FAM171A1: variants seen among roughly 807,000 people sequenced by gnomAD.
The protein encoded by FAM171A1 is protein FAM171A1.
Under a neutral mutation model 74.9 loss-of-function variants are expected in FAM171A1, and 23 were observed. The ratio of observed to expected loss-of-function variants is 0.31; its 90% CI spans 0.22 to 0.44. FAM171A1 has a LOEUF of 0.44. Ranked by LOEUF, FAM171A1 falls within the 20% of genes least tolerant of loss-of-function variation. The pLI is 1.00. For synonymous variants in FAM171A1, 527 were observed against 505.7 expected, an observed-to-expected ratio of 1.04 and a Z score of -0.57; for missense variants, 1,162 against 1,159.2, an observed-to-expected ratio of 1.00 and a Z score of -0.03.
chr10:15,358,416 C>T (rs554668201), intron 1 of FAM171A1, among the ~76,000 whole-genome samples: 3 of 152,338 alleles, frequency 2.0e-5, no homozygotes, highest in Non-Finnish European at 4.4e-5. Flanking sequence ...TCTCATTATG[C>T]TATATGAATC....
At chr10:15,362,080 T>C (rs1157972660) in intron 1 of FAM171A1, among the ~76,000 whole-genome samples, 1 of 152,252 alleles carries the variant, frequency 6.6e-6, no homozygotes, top group African/African-American at 2.4e-5. Flanking sequence ...AGTGTCCTTA[T>C]ATATTTCATA....
chr10:15,218,999 C>T (rs1834001872), intron 6 of FAM171A1, among the ~76,000 whole-genome samples: 1 of 152,068 alleles, frequency 6.6e-6, no homozygotes, highest in Admixed American at 6.6e-5. Flanking sequence ...AAAGCATATA[C>T]TGGACAGGCG....
At chr10:15,305,885 G>A (rs533606477) in intron 1 of FAM171A1, among the ~76,000 whole-genome samples, 29 of 152,234 alleles carry the variant, frequency 1.9e-4, no homozygotes, top group African/African-American at 5.1e-4. Flanking sequence ...GCCTGTGCAC[G>A]AACACGGGGA....
chr10:15,337,585 T>C (rs1337716970), intron 1 of FAM171A1, among the ~76,000 whole-genome samples: 1 of 151,752 alleles, frequency 6.6e-6, no homozygotes, highest in Non-Finnish European at 1.5e-5. Context: ...GGCTCACACG[T>C]GTAATCCCAG....
intron 1 of FAM171A1, among the ~76,000 whole-genome samples, chr10:15,335,530 AAAC>A (rs2131864325): frequency 6.6e-6 from 1 of 152,370 alleles, no homozygotes; most frequent in East Asian, 1.9e-4. Context: ...AAGAAAAACA[AAAC>A]ATGGGCCAAG....
intron 1 of FAM171A1, among the ~76,000 whole-genome samples, chr10:15,348,677 G>A (rs1835844589): frequency 6.6e-6 from 1 of 152,144 alleles, no homozygotes; most frequent in African/African-American, 2.4e-5. Context: ...CTTGTTAACA[G>A]TACAGCCTCT....
At chr10:15,321,470 A>C (rs1163136116) in intron 1 of FAM171A1, among the ~76,000 whole-genome samples, 1 of 152,240 alleles carries the variant, frequency 6.6e-6, no homozygotes, top group African/African-American at 2.4e-5. Flanking sequence ...GCCACAAAAC[A>C]GATTTTTTAA....
Position 15,213,599 on chromosome 10 carries a change from C to T in FAM171A1, c.1989G>A (p.Met663Ile). Reference sequence around the variant, plus strand: ...AAGCTGGGATGGAGAGAGACTCCGACATGGATGCGTTCTGAGGGCTCCACT... The same window carrying T: ...AAGCTGGGATGGAGAGAGACTCCGATATGGATGCGTTCTGAGGGCTCCACT... Reference protein sequence around the residue: ...TREWSPQNASMSESLSIPASL... With the variant: ...TREWSPQNASISESLSIPASL... The change falls in exon 8 of 8, where the codon ATG becomes ATA. Residue 663 changes from methionine (M) to isoleucine (I), a missense_variant. Coordinates refer to ENST00000378116, the MANE Select transcript of FAM171A1 (RefSeq NM_001010924.2). This position sits in a 1 kb window ranked among gnomAD's most constrained non-coding sequence, Gnocchi z 6.8. 1 of 1,614,164 alleles carries T rather than the reference C, an allele frequency of 6.2e-7. No individual in the cohort carries two copies. The highest frequency in any genetic ancestry group is 8.5e-7 in the Non-Finnish European group (1 of 1,180,042).
chr10:15,333,845 A>G (rs1321941116), intron 1 of FAM171A1, among the ~76,000 whole-genome samples: 1 of 137,672 alleles, frequency 7.3e-6, no homozygotes, highest in African/African-American at 2.6e-5. Context: ...AAGAGAAAAA[A>G]AGAAAAGAAT....
At chr10:15,354,801 C>T (rs1158923349) in intron 1 of FAM171A1, among the ~76,000 whole-genome samples, 1 of 152,146 alleles carries the variant, frequency 6.6e-6, no homozygotes, top group Non-Finnish European at 1.5e-5. Context: ...ATGGTACAAG[C>T]AGAGGAAATA....
At chr10:15,270,249 G>A (rs1246850708) in intron 3 of FAM171A1, among the ~76,000 whole-genome samples, 1 of 152,186 alleles carries the variant, frequency 6.6e-6, no homozygotes, top group Admixed American at 6.5e-5. Context: ...CTGGCTCAGA[G>A]GGTCCCACGC....
At chr10:15,295,303 C>T (rs541668510) in intron 1 of FAM171A1, among the ~76,000 whole-genome samples, 6 of 152,086 alleles carry the variant, frequency 3.9e-5, no homozygotes, top group African/African-American at 7.2e-5. Context: ...TTTCTATAAA[C>T]GATAGGATGC....
chr10:15,224,345 G>T (rs771344091), intron 5 of FAM171A1, among the ~76,000 whole-genome samples: 1 of 152,266 alleles, frequency 6.6e-6, no homozygotes. Flanking sequence ...GAGCAGCTGT[G>T]CCCGGGCTGG....
chr10:15,244,736 G>C (rs143691143), intron 5 of FAM171A1, among the ~76,000 whole-genome samples: 1 of 152,000 alleles, frequency 6.6e-6, no homozygotes, highest in African/African-American at 2.4e-5. Context: ...GACTCGGTGA[G>C]GGTGCAGGGA....
At chr10:15,229,900 TCACCATCACCACCATCACCAA>T (rs1322184979) in intron 5 of FAM171A1, among the ~76,000 whole-genome samples, 4 of 54,118 alleles carry the variant, frequency 7.4e-5, no homozygotes, top group African/African-American at 1.4e-4. Flanking sequence ...ATCACCATCA[TCACCATCACCACCATCACCAA>T]CATCATCATC....
chr10:15,240,396 C>T (rs1031465433), intron 5 of FAM171A1, among the ~76,000 whole-genome samples: 3 of 152,024 alleles, frequency 2.0e-5, no homozygotes, highest in African/African-American at 7.2e-5. Context: ...TATTGAGGGT[C>T]CATATAGCAA....
At chr10:15,270,617 G>C (rs146547144) in intron 3 of FAM171A1, among the ~76,000 whole-genome samples, 1,717 of 152,322 alleles carry the variant, frequency 0.011, 32 homozygotes, top group African/African-American at 0.038. Flanking sequence ...CTAACTGGGA[G>C]ACACCTCCCA....
chr10:15,331,040 C>A (rs1214589521), intron 1 of FAM171A1, among the ~76,000 whole-genome samples: 4 of 152,116 alleles, frequency 2.6e-5, no homozygotes, highest in Non-Finnish European at 5.9e-5. Context: ...CAGGCGCACG[C>A]CACCACGCCT....
At chr10:15,340,215 T>C (rs1835749920) in intron 1 of FAM171A1, among the ~76,000 whole-genome samples, 1 of 152,178 alleles carries the variant, frequency 6.6e-6, no homozygotes, top group South Asian at 2.1e-4. Context: ...GAGTCATTTA[T>C]TTCTATGTGT....
Sources: gnomAD v4.1 joint callset for allele counts (sites outside exome capture counted in the v4.1 genomes callset) on GRCh38, gnomAD v4.1.1 for gene constraint, Gnocchi (gnomAD v3.1) non-coding constraint, MANE v1.5 for transcripts, NCBI Gene and HGNC (gene_info 2026-07-23, HGNC 2026-07-21) for gene names.